JAM2: variants seen among roughly 807,000 people sequenced by gnomAD.
JAM2 encodes junctional adhesion molecule B.
In JAM2, 17 loss-of-function variants were observed where a neutral mutation model predicts 42.0. The ratio of observed to expected loss-of-function variants is 0.40; its 90% CI spans 0.28 to 0.61. The LOEUF (loss-of-function observed/expected upper bound fraction) is 0.61. Among genes scored for constraint, JAM2 ranks in the 20% least tolerant of loss-of-function variants. The probability of loss-of-function intolerance (pLI) is 0.37; values close to 1 mark genes in which losing one functional copy is unlikely to be tolerated. For synonymous variants in JAM2, 118 were observed against 128.6 expected (o/e 0.92, Z 0.56); for missense variants, 319 against 358.3 (o/e 0.89, Z 0.89).
At chr21:25,666,166 A>G (rs1319247022) in intron 1 of JAM2, among the ~76,000 whole-genome samples, 3 of 152,088 alleles carry the variant, frequency 2.0e-5, no homozygotes, top group African/African-American at 7.2e-5. Flanking sequence ...TAACTATCAC[A>G]ATGCTATTTT....
chr21:25,691,000 C>G (rs950987734), intron 3 of JAM2, among the ~76,000 whole-genome samples: 2 of 152,116 alleles, frequency 1.3e-5, no homozygotes, highest in Non-Finnish European at 2.9e-5. Flanking sequence ...CAAGATAAAC[C>G]ATGCATTGAT....
intron 1 of JAM2, among the ~76,000 whole-genome samples, chr21:25,669,072 C>T (rs2033292628): frequency 6.6e-6 from 1 of 152,050 alleles, no homozygotes; most frequent in Non-Finnish European, 1.5e-5. Flanking sequence ...ATAGTCATTA[C>T]CTTTAAAAAG....
intron 7 of JAM2, among the ~76,000 whole-genome samples, chr21:25,706,896 C>T (rs1363527575): frequency 2.0e-5 from 3 of 152,066 alleles, no homozygotes; most frequent in East Asian, 3.9e-4. Context: ...CCCGCCACCA[C>T]GCCCGGCTAA....
chr21:25,697,955 T>A (rs919857882), intron 4 of JAM2, among the ~76,000 whole-genome samples: 20 of 148,706 alleles, frequency 1.3e-4, no homozygotes, highest in Non-Finnish European at 2.3e-4. Context: ...ACACACACTC[T>A]CTCTCTCGCT....
chr21:25,708,484 C>T (rs2034316349), intron 7 of JAM2, among the ~76,000 whole-genome samples: 1 of 152,128 alleles, frequency 6.6e-6, no homozygotes, highest in South Asian at 2.1e-4. Flanking sequence ...AGGAGGATCG[C>T]TTGAGCGCAG....
At chr21:25,695,577 C>T (rs1183337112) in intron 4 of JAM2, among the ~76,000 whole-genome samples, 6 of 149,574 alleles carry the variant, frequency 4.0e-5, no homozygotes, top group African/African-American at 5.1e-5. Flanking sequence ...CCCCACCTCC[C>T]GGACGGGGCG....
intron 1 of JAM2, among the ~76,000 whole-genome samples, chr21:25,649,909 G>A (rs1177032583): frequency 2.0e-5 from 3 of 152,198 alleles, no homozygotes; most frequent in African/African-American, 7.2e-5. Context: ...GGCATCACAT[G>A]TGGAAACACC....
Position 25,639,603 on chromosome 21 carries a change from C to A in JAM2, c.-219C>A, listed in dbSNP as rs1449139292. On this transcript the variant is annotated 5_prime_UTR_variant, in exon 1 of 10. Transcript: ENST00000480456. The stretch of plus-strand genomic sequence containing the variant: ...CCACACCCCCAAAACAGAACAGACC[C>A]CCATCCCTGGGCTGGAGGACCCGCC... 4.6e-5 allele frequency: 24 copies of A among 521,674 alleles called. No homozygotes were observed. Among genetic ancestry groups the A allele is most frequent in the Non-Finnish European group, 7.1e-5 (21 of 293,902 alleles). 32.3% of individuals were successfully genotyped at this position (521,674 alleles called of 1,614,324 possible). A position where few individuals can be genotyped will look rare whatever the true frequency, so the allele number is the denominator to read the frequency against.
At chr21:25,670,479 C>T (rs1227700520) in intron 1 of JAM2, among the ~76,000 whole-genome samples, 1 of 151,816 alleles carries the variant, frequency 6.6e-6, no homozygotes, top group African/African-American at 2.4e-5. Flanking sequence ...GAGCAAGACC[C>T]TGTGTCAAAA....
At chr21:25,652,025 G>A (rs1415167120) in intron 1 of JAM2, among the ~76,000 whole-genome samples, 1 of 152,146 alleles carries the variant, frequency 6.6e-6, no homozygotes, top group Non-Finnish European at 1.5e-5. Flanking sequence ...AATTTTAAAT[G>A]TTTTATTTCA....
intron 2 of JAM2, among the ~76,000 whole-genome samples, chr21:25,685,748 G>A (rs547016118): frequency 1.3e-5 from 2 of 152,204 alleles, no homozygotes; most frequent in African/African-American, 4.8e-5. Flanking sequence ...CTCCAGGATG[G>A]ATAAACAGGG....
chr21:25,688,675 C>T (rs569038492), intron 2 of JAM2, among the ~76,000 whole-genome samples: 8 of 152,258 alleles, frequency 5.3e-5, no homozygotes, highest in Admixed American at 3.9e-4. Context: ...TTTCTTTTCT[C>T]TGCCCTACTT....
At chr21:25,686,455 TG>T (rs2033753380) in intron 2 of JAM2, among the ~76,000 whole-genome samples, 2 of 88,932 alleles carry the variant, frequency 2.2e-5, no homozygotes, top group Non-Finnish European at 4.9e-5. Flanking sequence ...TATGTGTATG[TG>T]TGTTTCACCC....
chr21:25,709,474 T>C (rs899083295), intron 8 of JAM2, 25 bp downstream of exon 8: 1 of 1,434,764 alleles, frequency 7.0e-7, no homozygotes, highest in Non-Finnish European at 9.7e-7. Context: ...CTACAATGCA[T>C]GTCTTTCTCC....
chr21:25,684,693 C>T (rs750053140), intron 2 of JAM2, among the ~76,000 whole-genome samples: 1 of 152,038 alleles, frequency 6.6e-6, no homozygotes, highest in Non-Finnish European at 1.5e-5. Context: ...CAACCTCTAC[C>T]TCCGGGGTCA....
chr21:25,695,386 GAC>G (rs2033981589), intron 4 of JAM2, among the ~76,000 whole-genome samples: 1 of 152,220 alleles, frequency 6.6e-6, no homozygotes, highest in Non-Finnish European at 1.5e-5. Context: ...TTTCTACACA[GAC>G]ACAGCAACAA....
At chr21:25,687,661 G>A (rs2033779941) in intron 2 of JAM2, among the ~76,000 whole-genome samples, 1 of 152,152 alleles carries the variant, frequency 6.6e-6, no homozygotes, top group African/African-American at 2.4e-5. Flanking sequence ...ATTCTCTCAT[G>A]GTTCTGGAGG....
chr21:25,683,782 C>T, intron 1 of JAM2, 101 bp from the exon 2 acceptor site: 2 of 803,116 alleles, frequency 2.5e-6, no homozygotes, highest in Non-Finnish European at 4.0e-6. Context: ...AAACTTGTCA[C>T]CAAACTTTAG....
At chr21:25,694,294 A>G (rs1164689235) in intron 4 of JAM2, among the ~76,000 whole-genome samples, 1 of 152,232 alleles carries the variant, frequency 6.6e-6, no homozygotes, top group Non-Finnish European at 1.5e-5. Context: ...CACACAAAAA[A>G]GTAGACTGAA....
Sources: gnomAD v4.1 joint callset for allele counts (sites outside exome capture counted in the v4.1 genomes callset) on GRCh38, gnomAD v4.1.1 for gene constraint, MANE v1.5 for transcripts, NCBI Gene and HGNC (gene_info 2026-07-23, HGNC 2026-07-21) for gene names.